ASTN1: variants seen among roughly 807,000 people sequenced by gnomAD.
ASTN1 encodes the protein astrotactin 1, also known as astrotactin-1.
ASTN1 carries 41 observed loss-of-function variants against 140.7 expected under a neutral mutation model. The observed-to-expected ratio is 0.29, with a 90% CI of 0.23 to 0.38. The LOEUF is 0.38. Ranked by LOEUF, ASTN1 falls within the 10% of genes least tolerant of loss-of-function variation. ASTN1 has a pLI of 1.00. For missense variants in ASTN1, 1,479 were observed against 1,678.8 expected, an observed-to-expected ratio of 0.88 and a Z score of 2.08; for synonymous variants, 640 against 652.2, an observed-to-expected ratio of 0.98 and a Z score of 0.29.
At chr1:177,093,041 A>C (rs896891411) in intron 1 of ASTN1, among the ~76,000 whole-genome samples, 8 of 152,218 alleles carry the variant, frequency 5.3e-5, no homozygotes, top group Admixed American at 3.3e-4. Context: ...ACGACACTAG[A>C]ATATAAGCTC....
chr1:176,998,241 T>A (rs761136428), intron 8 of ASTN1, among the ~76,000 whole-genome samples: 39 of 152,166 alleles, frequency 2.6e-4, no homozygotes, highest in Non-Finnish European at 3.1e-4. Context: ...GCAAATAATA[T>A]GAATACTCAT....
At chr1:177,127,381 C>A (rs1475517576) in intron 1 of ASTN1, among the ~76,000 whole-genome samples, 2 of 151,802 alleles carry the variant, frequency 1.3e-5, no homozygotes, top group African/African-American at 2.4e-5. Context: ...GAGAAGCACT[C>A]ATTTATTCTC....
At chr1:176,876,665 G>A in intron 20 of ASTN1, 28 bp from the exon 21 acceptor site, 1 of 1,607,572 alleles carries the variant, frequency 6.2e-7, no homozygotes, top group Non-Finnish European at 8.5e-7. Context: ...GGCATGGTTA[G>A]CAGAAACAGT....
At chr1:177,035,360 T>G (rs555249611) in intron 2 of ASTN1, among the ~76,000 whole-genome samples, 3 of 152,198 alleles carry the variant, frequency 2.0e-5, no homozygotes, top group African/African-American at 7.2e-5. Context: ...AGAGTATGGA[T>G]GAATACATCC....
chr1:176,966,686 A>G (rs895560645), intron 8 of ASTN1, among the ~76,000 whole-genome samples: 2 of 152,096 alleles, frequency 1.3e-5, no homozygotes, highest in Admixed American at 1.3e-4. Context: ...GCATATCATA[A>G]TACAGTATTG....
intron 16 of ASTN1, among the ~76,000 whole-genome samples, chr1:176,908,483 A>C (rs771103646): frequency 6.6e-6 from 1 of 152,186 alleles, no homozygotes; most frequent in African/African-American, 2.4e-5. Flanking sequence ...AGGCTATAGC[A>C]TATCATATCC....
chr1:176,956,678 T>C (rs1672419369), intron 11 of ASTN1, among the ~76,000 whole-genome samples: 1 of 152,090 alleles, frequency 6.6e-6, no homozygotes, highest in African/African-American at 2.4e-5. Context: ...CCATTCCCTC[T>C]CCTCTCTTGA....
chr1:177,121,946 T>C (rs1681408901), intron 1 of ASTN1, among the ~76,000 whole-genome samples: 1 of 152,124 alleles, frequency 6.6e-6, no homozygotes, highest in African/African-American at 2.4e-5. Context: ...TTGAAGCAGA[T>C]GCAAGAAAAT....
chr1:177,147,602 A>G (rs1682775222), intron 1 of ASTN1, among the ~76,000 whole-genome samples: 1 of 152,202 alleles, frequency 6.6e-6, no homozygotes, highest in Admixed American at 6.5e-5. Flanking sequence ...AGAGGGAAAA[A>G]TGAAAGAGCC....
chr1:177,116,398 G>A (rs925685876), intron 1 of ASTN1, among the ~76,000 whole-genome samples: 18 of 151,958 alleles, frequency 1.2e-4, no homozygotes, highest in Non-Finnish European at 1.6e-4. Context: ...TCTCAGAATC[G>A]AAATACTTTT....
rs1668050536 is a variant in ASTN1, at chr1:176,864,047, C to T, written c.*237G>A. The T allele has an allele frequency of 5.2e-6, 7 of 1,336,252 alleles. No homozygotes were observed. Among genetic ancestry groups the T allele is most frequent in the Non-Finnish European group, 6.7e-6 (7 of 1,043,406 alleles). The allele number at this position is 1,336,252 out of a possible 1,614,324, so 82.8% of individuals were successfully genotyped here. A position where few individuals can be genotyped will look rare whatever the true frequency, so the allele number is the denominator to read the frequency against. On this transcript the variant is annotated 3_prime_UTR_variant, in exon 23 of 23. Transcript: ENST00000361833. ...GCAAAGCAAACCCCAAAGTAATCCTCTAAAGAAATATGGCACTGCATGAAG... is the reference window on the plus strand; with the variant it reads ...GCAAAGCAAACCCCAAAGTAATCCTTTAAAGAAATATGGCACTGCATGAAG...
At chr1:176,874,644 G>A (rs1316573602) in intron 21 of ASTN1, among the ~76,000 whole-genome samples, 1 of 152,128 alleles carries the variant, frequency 6.6e-6, no homozygotes, top group Non-Finnish European at 1.5e-5. Context: ...TGACTTCCTA[G>A]TAGACAGCAA....
intron 13 of ASTN1, 32 bp downstream of exon 13, chr1:176,945,894 T>G (rs771526030): frequency 1.9e-6 from 3 of 1,558,780 alleles, no homozygotes; most frequent in Non-Finnish European, 2.6e-6. Flanking sequence ...CCAACAGTCT[T>G]GAACAATCAG....
downstream of ASTN1, chr1:176,857,363 G>A (rs142340982): frequency 1.0e-4 from 39 of 391,524 alleles, no homozygotes; most frequent in African/African-American, 7.4e-4. Flanking sequence ...AGTCAGGAAA[G>A]CAAAATACAT....
intron 1 of ASTN1, among the ~76,000 whole-genome samples, chr1:177,115,845 C>T (rs992908825): frequency 1.3e-5 from 2 of 151,746 alleles, no homozygotes; most frequent in African/African-American, 2.4e-5. Context: ...AGGTCTTCCT[C>T]TATGCCGATG....
chr1:177,037,610 C>T (rs1676782987), intron 2 of ASTN1, among the ~76,000 whole-genome samples: 1 of 152,214 alleles, frequency 6.6e-6, no homozygotes. Context: ...TATCTGGATT[C>T]AGGCAACAAG....
chr1:177,148,232 C>T (rs909482604), intron 1 of ASTN1, among the ~76,000 whole-genome samples: 9 of 152,162 alleles, frequency 5.9e-5, no homozygotes, highest in African/African-American at 2.2e-4. Flanking sequence ...TCCTGGCTAA[C>T]ACGGTGAAAC....
intron 2 of ASTN1, among the ~76,000 whole-genome samples, chr1:177,060,543 C>T (rs1196272445): frequency 1.3e-5 from 2 of 152,188 alleles, no homozygotes; most frequent in Non-Finnish European, 2.9e-5. Flanking sequence ...CAGAGGCTCA[C>T]TCTGTCACCC....
At chr1:176,871,438 G>C (rs1275355245) in intron 21 of ASTN1, among the ~76,000 whole-genome samples, 1 of 152,182 alleles carries the variant, frequency 6.6e-6, no homozygotes. Flanking sequence ...GCCAGGCCCT[G>C]GTTGTGGTAG....
Sources: gnomAD v4.1 joint callset for allele counts (sites outside exome capture counted in the v4.1 genomes callset) on GRCh38, gnomAD v4.1.1 for gene constraint, MANE v1.5 for transcripts, NCBI Gene and HGNC (gene_info 2026-07-23, HGNC 2026-07-21) for gene names.